The following TRPC3 variants were observed in gnomAD, a reference collection of about 807,000 sequenced individuals.
TRPC3 encodes transient receptor potential cation channel subfamily C member 3, also known as short transient receptor potential channel 3.
TRPC3 carries 54 observed loss-of-function variants against 90.9 expected under a neutral mutation model. The ratio of observed to expected loss-of-function variants is 0.59; its 90% CI spans 0.48 to 0.75. TRPC3 has a LOEUF of 0.75. Among genes scored for constraint, TRPC3 ranks in the 30% least tolerant of loss-of-function variants. The pLI, the probability that TRPC3 is intolerant of heterozygous loss-of-function variation, is 0.00. For missense variants in TRPC3, 918 were observed against 1,194.5 expected, an observed-to-expected ratio of 0.77 and a Z score of 3.41; for synonymous variants, 424 against 450.9, an observed-to-expected ratio of 0.94 and a Z score of 0.75.
At chr4:121,879,965 T>A in intron 11 of TRPC3, 87 bp from the exon 12 acceptor site, 1 of 1,320,140 alleles carries the variant, frequency 7.6e-7, no homozygotes, top group East Asian at 2.7e-5. Flanking sequence ...AATATCAATG[T>A]ATTTGCTTCA....
intron 6 of TRPC3, 61 bp from the exon 7 acceptor site, chr4:121,907,628 AG>A (rs1728933781): frequency 6.5e-7 from 1 of 1,530,498 alleles, no homozygotes; most frequent in African/African-American, 1.4e-5. Flanking sequence ...AACTACGCAA[AG>A]CAAATACCTT....
chr4:121,908,863 TA>T (rs1235934449), intron 6 of TRPC3, among the ~76,000 whole-genome samples: 1 of 151,806 alleles, frequency 6.6e-6, no homozygotes, highest in South Asian at 2.1e-4. Context: ...CCTCTGAATC[TA>T]AAAAAAAGTT....
chr4:121,948,600 C>A (rs534842516), intron 1 of TRPC3, among the ~76,000 whole-genome samples: 1 of 152,274 alleles, frequency 6.6e-6, no homozygotes, highest in South Asian at 2.1e-4. Context: ...TGCCTCAAAC[C>A]AACATGTCCA....
rs549053212 is a variant in TRPC3 at position 121,938,030 on chromosome 4, A to C, written c.216-4988T>G. Among the ~76,000 whole-genome samples the C allele has an allele frequency of 6.1e-4, 92 of 151,824 alleles. 1 individual carries two copies. Among genetic ancestry groups the C allele is most frequent in the East Asian group, 2.5e-3 (13 of 5,182 alleles). On this transcript the variant is annotated intron_variant, in intron 1 of 11. Coordinates refer to ENST00000379645, the MANE Select transcript of TRPC3 (RefSeq NM_001130698.2). The stretch of plus-strand genomic sequence containing the variant: ...TGTCTGAATTTATTTAAAAAAAAAA[A>C]AACAACCCAGAGTATTAAGAAATAC...
rs1727844788 is a variant in TRPC3 at position 121,878,899 on chromosome 4, A to T, written c.*837T>A. ...GTCAGCTGTTGATATCTCATTTAGC[A>T]TTAAAGCAGCAGAGGCAGAAATTAG... On this transcript the variant is annotated 3_prime_UTR_variant, in exon 12 of 12. Coordinates refer to ENST00000379645, the MANE Select transcript of TRPC3 (RefSeq NM_001130698.2). 1 of 152,166 alleles carries T rather than the reference A, an allele frequency of 6.6e-6. No homozygotes were observed. Among genetic ancestry groups the T allele is most frequent in the Non-Finnish European group, 1.5e-5 (1 of 68,028 alleles). 9.4% of individuals were successfully genotyped at this position (152,166 alleles called of 1,614,324 possible).
intron 8 of TRPC3, among the ~76,000 whole-genome samples, chr4:121,904,107 G>C (rs1411356994): frequency 6.6e-6 from 1 of 152,144 alleles, no homozygotes; most frequent in Admixed American, 6.5e-5. Context: ...CGGAGCAGCA[G>C]TAAATTCATG....
At chr4:121,912,811 C>T (rs899531742) in intron 4 of TRPC3, among the ~76,000 whole-genome samples, 1 of 152,190 alleles carries the variant, frequency 6.6e-6, no homozygotes, top group African/African-American at 2.4e-5. Context: ...TAAGGTGACT[C>T]CTTTAAAATC....
chr4:121,890,555 T>C (rs541274221), intron 10 of TRPC3, among the ~76,000 whole-genome samples: 61 of 152,292 alleles, frequency 4.0e-4, no homozygotes, highest in African/African-American at 1.3e-3. Flanking sequence ...ATGGTAGATA[T>C]GGAAGACAGT....
chr4:121,904,481 T>C lies in TRPC3; in HGVS notation c.2094A>G (p.Ile698Met). 1 of 1,578,480 alleles carries C rather than the reference T, an allele frequency of 6.3e-7. No homozygotes were observed. Among genetic ancestry groups the C allele is most frequent in the Non-Finnish European group, 8.6e-7 (1 of 1,166,332 alleles). Residue 698 changes from isoleucine to methionine, a missense_variant, in exon 8 of 12, where the codon ATA (isoleucine) becomes ATG (methionine). Ile to Met is a conservative substitution (Grantham distance 10). Transcript: ENST00000379645. ...EESFKTLFWSIFGLSEVTSVV... is the reference protein window; with the variant it reads ...EESFKTLFWSMFGLSEVTSVV... Reference sequence around the variant, plus strand: ...CGGAAGTCACTTCAGACAACCCAAATATTGACCAAAATAAAGTCTTGAAAC... The same window carrying C: ...CGGAAGTCACTTCAGACAACCCAAACATTGACCAAAATAAAGTCTTGAAAC...
At chr4:121,911,237 A>C (rs1026121976) in intron 5 of TRPC3, among the ~76,000 whole-genome samples, 1 of 152,220 alleles carries the variant, frequency 6.6e-6, no homozygotes, top group Non-Finnish European at 1.5e-5. Flanking sequence ...CAAATACAAA[A>C]ATGACTTCGG....
intron 3 of TRPC3, among the ~76,000 whole-genome samples, chr4:121,919,566 G>A (rs1729431325): frequency 6.6e-6 from 1 of 152,136 alleles, no homozygotes; most frequent in East Asian, 1.9e-4. Flanking sequence ...CAGGACACAG[G>A]ACTGTGCCGG....
intron 1 of TRPC3, among the ~76,000 whole-genome samples, chr4:121,949,007 G>A (rs912850173): frequency 6.0e-4 from 91 of 152,160 alleles, no homozygotes; most frequent in African/African-American, 2.1e-3. Context: ...TATCTTTGTG[G>A]CTTGCAGTAC....
At chr4:121,926,921 C>A (rs1475754064) in intron 2 of TRPC3, among the ~76,000 whole-genome samples, 3 of 152,204 alleles carry the variant, frequency 2.0e-5, no homozygotes, top group African/African-American at 7.2e-5. Context: ...AAGGGCCCAG[C>A]AATCTCTGTG....
chr4:121,899,708 A>G lies in TRPC3; in HGVS notation c.2464-13T>C. 1 of 1,555,188 alleles carries G rather than the reference A, an allele frequency of 6.4e-7. No individual in the cohort carries two copies. Among genetic ancestry groups the G allele is most frequent in the Non-Finnish European group, 8.9e-7 (1 of 1,127,398 alleles). ...TGAAGAGGTTTAACTAGGAAAAAAT[A>G]CAATTAACCTAGTAAATTAGAATAC... On this transcript the variant is annotated splice_polypyrimidine_tract_variant and intron_variant, in intron 9 of 11. Transcript: ENST00000379645.
chr4:121,894,227 A>G (rs1728431854), intron 10 of TRPC3, among the ~76,000 whole-genome samples: 1 of 152,144 alleles, frequency 6.6e-6, no homozygotes, highest in Non-Finnish European at 1.5e-5. Context: ...TAACTACCAA[A>G]AGTAAAACTT....
chr4:121,907,087 T>C (rs1238607359), intron 7 of TRPC3, among the ~76,000 whole-genome samples: 2 of 152,098 alleles, frequency 1.3e-5, no homozygotes, highest in Non-Finnish European at 2.9e-5. Context: ...TCTAGGGTTT[T>C]TCCAAATTCT....
chr4:121,927,420 A>G (rs1729759645), intron 2 of TRPC3, among the ~76,000 whole-genome samples: 1 of 152,204 alleles, frequency 6.6e-6, no homozygotes, highest in South Asian at 2.1e-4. Context: ...CCTATTAGGA[A>G]AGGTAACCAG....
chr4:121,908,103 G>A (rs1728950295), intron 6 of TRPC3, among the ~76,000 whole-genome samples: 1 of 152,050 alleles, frequency 6.6e-6, no homozygotes, highest in Admixed American at 6.6e-5. Context: ...ACTTGTCCCC[G>A]AAAAATGTAA....
chr4:121,910,251 A>C lies in TRPC3; in HGVS notation c.1695T>G (p.Leu565=). 1 of 1,613,806 alleles carries C rather than the reference A, an allele frequency of 6.2e-7. No individual in the cohort carries two copies. The highest frequency in any genetic ancestry group is 8.5e-7 in the Non-Finnish European group (1 of 1,179,806). The change falls in exon 6 of 12, where the codon CTT becomes CTG. Residue 565 remains leucine (L), a synonymous_variant. Coordinates refer to ENST00000379645, the MANE Select transcript of TRPC3 (RefSeq NM_001130698.2). The stretch of plus-strand genomic sequence containing the variant: ...CATACTGTTGTGCCTTCGTTGCCTG[A>C]AGGAAAGCTAGGAATCTGGCTGTGA... ...AAFTARFLAF[L]QATKAQQYVD...
Sources: allele counts gnomAD v4.1 joint callset (sites outside exome capture counted in the v4.1 genomes callset), GRCh38; gene constraint gnomAD v4.1.1; transcripts MANE v1.5; gene names NCBI Gene and HGNC (gene_info 2026-07-23, HGNC 2026-07-21).